NLGN2: variants seen among roughly 807,000 people sequenced by gnomAD.
The protein encoded by NLGN2 is neuroligin 2, also known as neuroligin-2.
In NLGN2, 11 loss-of-function variants were observed where a neutral mutation model predicts 48.6. That is an observed-to-expected ratio of 0.23 (90% confidence interval 0.14 to 0.37). The LOEUF (loss-of-function observed/expected upper bound fraction) is 0.37, where lower values mean the gene tolerates loss of function less well. Ranked by LOEUF, NLGN2 falls within the 10% of genes least tolerant of loss-of-function variation. The pLI, the probability that NLGN2 is intolerant of heterozygous loss-of-function variation, is 1.00. For missense variants in NLGN2, 801 were observed against 1,225.2 expected, an observed-to-expected ratio of 0.65 and a Z score of 5.17; for synonymous variants, 548 against 550.0, an observed-to-expected ratio of 1.00 and a Z score of 0.05.
Position 7,408,381 on chromosome 17 carries a change from G to C in NLGN2, c.126G>C (p.Pro42=), listed in dbSNP as rs757177720. 6.5e-7 allele frequency: 1 copy of C among 1,529,194 alleles called. No individual in the cohort carries two copies. The highest frequency in any genetic ancestry group is 8.7e-7 in the Non-Finnish European group (1 of 1,143,440). 94.7% of individuals were successfully genotyped at this position (1,529,194 alleles called of 1,614,324 possible). Residue 42 remains proline, a synonymous_variant, in exon 1 of 7, where the codon CCG becomes CCC. Coordinates refer to ENST00000302926, the MANE Select transcript of NLGN2 (RefSeq NM_020795.4). The surrounding 1 kb of genome is among the most constrained non-coding windows in gnomAD (Gnocchi z 7.5). ...GCAGCCTCGGCGAGGAGCGCTTCCC[G>C]GTGGTGAACACGGCCTACGGGCGAG... ...GLGSLGEERF[P]VVNTAYGRVR...
chr17:7,417,210 C>T lies in NLGN2; in HGVS notation c.1919C>T (p.Thr640Ile). The stretch of plus-strand genomic sequence containing the variant: ...CGTCCCCCCGCTGGCGCCCCGGGCA[C>T]ACGCCGGCCCCCGCCGCCTGCCACC... Reference protein sequence around the residue: ...PPRPPAGAPGTRRPPPPATLP... With the variant: ...PPRPPAGAPGIRRPPPPATLP... The change falls in exon 7 of 7, where the codon ACA becomes ATA. Residue 640 changes from threonine (T) to isoleucine (I), a missense_variant. Physicochemically the swap from Thr to Ile is moderately conservative, Grantham distance 89 (BLOSUM62 -1). Coordinates refer to ENST00000302926, the MANE Select transcript of NLGN2 (RefSeq NM_020795.4). 1 of 1,541,572 alleles carries T rather than the reference C, an allele frequency of 6.5e-7. No individual in the cohort carries two copies. The highest frequency in any genetic ancestry group is 8.7e-7 in the Non-Finnish European group (1 of 1,147,102).
At position 7,417,349 on chromosome 17, in the gene NLGN2, C is replaced by A; in HGVS notation, c.2058C>A (p.Leu686=). ...LSVTVAVGAS[L]LFLNILAFAA... is the part of the protein sequence containing the mutation. ...TCACCGTGGCCGTGGGTGCCTCCCT[C>A]CTCTTCCTCAACATCCTGGCCTTTG... is the stretch of plus-strand genomic sequence containing the variant. The change falls in exon 7 of 7, where the codon CTC becomes CTA. Residue 686 remains leucine (L), a synonymous_variant. Coordinates refer to ENST00000302926, the MANE Select transcript of NLGN2 (RefSeq NM_020795.4). The A allele has an allele frequency of 6.2e-7, 1 of 1,611,312 alleles. No homozygotes were observed. The highest frequency in any genetic ancestry group is 1.3e-5 in the African/African-American group (1 of 74,850).
Position 7,411,620 on chromosome 17 carries a change from G to A in NLGN2, c.458-537G>A, listed in dbSNP as rs935842554. ...GCCCTGCAGAGTGGTCCAGAGGGAA[G>A]CAGAGTCTTTTCTGCGGCAGTCTCT... On this transcript the variant is annotated intron_variant, in intron 1 of 6. Coordinates refer to ENST00000302926, the MANE Select transcript of NLGN2 (RefSeq NM_020795.4). This position sits in a 1 kb window ranked among gnomAD's most constrained non-coding sequence, Gnocchi z 4.5. Among the ~76,000 whole-genome samples the A allele has an allele frequency of 6.6e-6, 1 of 152,226 alleles. No individual in the cohort carries two copies. Among genetic ancestry groups the A allele is most frequent in the Non-Finnish European group, 1.5e-5 (1 of 68,024 alleles).
At chr17:7,405,019 C>A (rs900235788), upstream of NLGN2, 2 of 152,052 alleles carry the variant, frequency 1.3e-5, no homozygotes, top group Admixed American at 6.5e-5. This position sits in a 1 kb window ranked among gnomAD's most constrained non-coding sequence, Gnocchi z 6.8. Context: ...CCCTCACCCC[C>A]GCCTTCCCTC....
In NLGN2 at chr17:7,413,350, C is replaced by T. The variant is rs117541521; in HGVS notation, c.509-994C>T. Reference sequence around the variant, plus strand: ...GGTGGGCAGAGATGCTGGGGACCAGCTGTGGAGGCCCAGGCCTGGCTTTGG... The same window carrying T: ...GGTGGGCAGAGATGCTGGGGACCAGTTGTGGAGGCCCAGGCCTGGCTTTGG... On this transcript the variant is annotated intron_variant, in intron 2 of 6. Transcript: ENST00000302926. The surrounding 1 kb of genome is among the most constrained non-coding windows in gnomAD (Gnocchi z 4.9). Among the ~76,000 whole-genome samples, 1 of 152,296 alleles carries T rather than the reference C, an allele frequency of 6.6e-6. No homozygotes were observed. The highest frequency in any genetic ancestry group is 1.5e-5 in the Non-Finnish European group (1 of 68,014).
chr17:7,405,974 G>T (rs1906620346), upstream of NLGN2, among the ~76,000 whole-genome samples: 1 of 152,178 alleles, frequency 6.6e-6, no homozygotes, highest in African/African-American at 2.4e-5. This position sits in a 1 kb window ranked among gnomAD's most constrained non-coding sequence, Gnocchi z 6.8. Context: ...GGAGAGAGAA[G>T]GCAGAGGGAT....
rs761839688 is a variant in NLGN2 at position 7,417,251 on chromosome 17, G to A, written c.1960G>A (p.Glu654Lys). 3.7e-5 allele frequency: 58 copies of A among 1,551,668 alleles called. No individual in the cohort carries two copies. Among genetic ancestry groups the A allele is most frequent in the East Asian group, 7.4e-5 (3 of 40,446 alleles). ...PPPATLPPEP[E>K]PEPGPRAYDR... ...GCCTGCCACCCTGCCTCCCGAGCCCGAGCCCGAGCCCGGCCCAAGGGCCTA... is the reference window on the plus strand; with the variant it reads ...GCCTGCCACCCTGCCTCCCGAGCCCAAGCCCGAGCCCGGCCCAAGGGCCTA... Residue 654 changes from glutamate to lysine, a missense_variant, in exon 7 of 7, where the codon GAG becomes AAG. Coordinates refer to ENST00000302926, the MANE Select transcript of NLGN2 (RefSeq NM_020795.4).
At chr17:7,412,023 C>G in intron 1 of NLGN2, 134 bp from the exon 2 acceptor site, 4 of 544,916 alleles carry the variant, frequency 7.3e-6, no homozygotes, top group Non-Finnish European at 6.5e-6. Flanking sequence ...TTTTTTTTGG[C>G]TTCTTTTTTC....
Position 7,414,805 on chromosome 17 carries a change from G to A in NLGN2, c.801G>A (p.Gly267=), listed in dbSNP as rs1597712050. The change falls in exon 4 of 7, where the codon GGG becomes GGA. Residue 267 remains glycine, a synonymous_variant. Coordinates refer to ENST00000302926, the MANE Select transcript of NLGN2 (RefSeq NM_020795.4). ...ERITIFGSGA[G]ASCVNLLILS... ...TCACCATCTTTGGTTCCGGGGCAGGGGCCTCCTGCGTCAACCTTCTGATCC... is the reference window on the plus strand; with the variant it reads ...TCACCATCTTTGGTTCCGGGGCAGGAGCCTCCTGCGTCAACCTTCTGATCC... 22 of 1,614,174 alleles carry A rather than the reference G, an allele frequency of 1.4e-5. No homozygotes were observed. The highest frequency in any genetic ancestry group is 1.9e-5 in the Non-Finnish European group (22 of 1,180,020).
At chr17:7,414,519 G>T in intron 3 of NLGN2, 26 bp downstream of exon 3, 1 of 1,612,146 alleles carries the variant, frequency 6.2e-7, no homozygotes, top group Non-Finnish European at 8.5e-7. Context: ...CAACTCTGGG[G>T]CTCGGGGGAG....
chr17:7,413,557 C>T lies in NLGN2; in HGVS notation c.509-787C>T, dbSNP rs1906981105. Among the ~76,000 whole-genome samples the T allele has an allele frequency of 6.6e-6, 1 of 152,122 alleles. No individual in the cohort carries two copies. The highest frequency in any genetic ancestry group is 2.4e-5 in the African/African-American group (1 of 41,412). ...TCCCACATCCTCTGGAATTAGTCAC[C>T]CTTCAGTCCAATCTGGAGCAACTCA... On this transcript the variant is annotated intron_variant, in intron 2 of 6. Coordinates refer to ENST00000302926, the MANE Select transcript of NLGN2 (RefSeq NM_020795.4). This position sits in a 1 kb window ranked among gnomAD's most constrained non-coding sequence, Gnocchi z 4.9.
intron 6 of NLGN2, 132 bp downstream of exon 6, chr17:7,416,239 C>A (rs777239423): frequency 1.4e-6 from 1 of 728,394 alleles, no homozygotes; most frequent in Non-Finnish European, 2.4e-6. Flanking sequence ...ACCTCTGTGC[C>A]AGGCACGGAG....
chr17:7,407,712 G>A (rs936235534), upstream of NLGN2, among the ~76,000 whole-genome samples: 1 of 152,042 alleles, frequency 6.6e-6, no homozygotes, highest in Non-Finnish European at 1.5e-5. Flanking sequence ...GAGCTGACCC[G>A]CCTCTCCTCT....
chr17:7,411,701 G>GA lies in NLGN2; in HGVS notation c.458-456_458-455insA, dbSNP rs1906900927. ...CAGGTGCTTCGCTGGCCCTGAAGGG[G>GA]GCCTTCTGAGAGGTGGCCTGGGTGG... On this transcript the variant is annotated intron_variant, in intron 1 of 6. Transcript: ENST00000302926. The surrounding 1 kb of genome is among the most constrained non-coding windows in gnomAD (Gnocchi z 4.5). Among the ~76,000 whole-genome samples the GA allele has an allele frequency of 6.6e-6, 1 of 152,200 alleles. No homozygotes were observed.
chr17:7,415,210 G>A, intron 5 of NLGN2, 62 bp downstream of exon 5: 1 of 1,457,294 alleles, frequency 6.9e-7, no homozygotes, highest in East Asian at 2.3e-5. Context: ...GAGGTGAGAG[G>A]TGCCTGTGGG....
rs980503012 is a variant in NLGN2 at position 7,408,195 on chromosome 17, C to A, written c.-61C>A. ...AGGGGGGCCTCCCTCCCTCTCCCCC[C>A]CTTCTCTCTCTCTCCGAGGGGGGGG... On this transcript the variant is annotated 5_prime_UTR_variant, in exon 1 of 7. Transcript: ENST00000302926. The surrounding 1 kb of genome is among the most constrained non-coding windows in gnomAD (Gnocchi z 7.5). The A allele has an allele frequency of 1.8e-5, 17 of 945,130 alleles. No individual in the cohort carries two copies. Among genetic ancestry groups the A allele is most frequent in the East Asian group, 1.0e-4 (3 of 29,798 alleles). The allele number at this position is 945,130 out of a possible 1,614,324, so 58.5% of individuals were successfully genotyped here.
At chr17:7,412,613 A>G (rs943805116) in intron 2 of NLGN2, among the ~76,000 whole-genome samples, 1 of 152,180 alleles carries the variant, frequency 6.6e-6, no homozygotes, top group African/African-American at 2.4e-5. Context: ...AGTTCAAAAA[A>G]AATTTAAAAG....
In NLGN2 at chr17:7,408,423, C is replaced by A. The variant is rs756297853; in HGVS notation, c.168C>A (p.Arg56=). The part of the protein sequence containing the change: ...TAYGRVRGVR[R]ELNNEILGPV... ...ACGGGCGAGTGCGCGGTGTGCGGCG[C>A]GAGCTCAACAACGAGATCCTGGGCC... is the stretch of plus-strand genomic sequence containing the variant. The change falls in exon 1 of 7, where the codon CGC becomes CGA. Residue 56 remains arginine (R), a synonymous_variant. Transcript: ENST00000302926. This position sits in a 1 kb window ranked among gnomAD's most constrained non-coding sequence, Gnocchi z 7.5. 67 of 1,569,016 alleles carry A rather than the reference C, an allele frequency of 4.3e-5. No individual in the cohort carries two copies. Among genetic ancestry groups the A allele is most frequent in the Non-Finnish European group, 5.3e-5 (62 of 1,161,758 alleles).
At position 7,409,205 on chromosome 17, in the gene NLGN2, C is replaced by A. The variant is rs56671500; in HGVS notation, c.457+493C>A. ...CTCTCCCCCTGGCTGGTGAGGGCTG[C>A]CTTCCATCTATCACATCATGTCCAG... On this transcript the variant is annotated intron_variant, in intron 1 of 6. Transcript: ENST00000302926. 2.9e-3 allele frequency among the ~76,000 whole-genome samples: 442 copies of A among 152,174 alleles called. 4 individuals carry two copies. The highest frequency in any genetic ancestry group is 0.01 in the African/African-American group (423 of 41,496).
Sources: gnomAD v4.1 joint callset for allele counts (sites outside exome capture counted in the v4.1 genomes callset) on GRCh38, gnomAD v4.1.1 for gene constraint, Gnocchi (gnomAD v3.1) non-coding constraint, MANE v1.5 for transcripts, NCBI Gene and HGNC (gene_info 2026-07-23, HGNC 2026-07-21) for gene names.